C16orf96: variants seen among roughly 807,000 people sequenced by gnomAD.
The protein encoded by C16orf96 is uncharacterized protein C16orf96.
Under a neutral mutation model 103.6 loss-of-function variants are expected in C16orf96, and 108 were observed. The ratio of observed to expected loss-of-function variants is 1.04; its 90% confidence interval spans 0.89 to 1.22. The LOEUF (loss-of-function observed/expected upper bound fraction) is 1.22. Among genes scored for constraint, C16orf96 ranks in the 50% most tolerant of loss-of-function variants. The probability of loss-of-function intolerance (pLI) is 0.00; values close to 1 mark genes in which losing one functional copy is unlikely to be tolerated. For missense variants in C16orf96, 1,586 were observed against 1,464.2 expected (o/e 1.08, Z -1.36); for synonymous variants, 566 against 593.5 (o/e 0.95, Z 0.67).
In C16orf96 at chr16:4,591,887, A is replaced by C. The variant is rs1897067256; in HGVS notation, c.2711+103A>C. The C allele has an allele frequency of 5.4e-6, 5 of 925,862 alleles. No individual in the cohort carries two copies. The Admixed American group carries it at 1.0e-4, about 19-fold the overall frequency. The allele number at this position is 925,862 out of a possible 1,614,324, so 57.4% of individuals were successfully genotyped here. ...AGGAAAGATTCCAGACCTTTGGATG[A>C]GGGGATGGGGGCTTGGCTGTGGCTG... On this transcript the variant is annotated intron_variant, in intron 10 of 15. Transcript: ENST00000444310.
chr16:4,583,391 A>G (rs1043885353), intron 7 of C16orf96, among the ~76,000 whole-genome samples: 1 of 152,166 alleles, frequency 6.6e-6, no homozygotes, highest in African/African-American at 2.4e-5. Context: ...CTATAGTCCC[A>G]GCTACCAGGG....
At chr16:4,582,960 G>T (rs1219149224) in intron 7 of C16orf96, among the ~76,000 whole-genome samples, 1 of 152,302 alleles carries the variant, frequency 6.6e-6, no homozygotes, top group African/African-American at 2.4e-5. Context: ...TGCTGGCCAG[G>T]CTCGGTGGCT....
At chr16:4,594,133 C>T (rs560773505) in intron 12 of C16orf96, among the ~76,000 whole-genome samples, 3 of 152,342 alleles carry the variant, frequency 2.0e-5, no homozygotes, top group African/African-American at 7.2e-5. Flanking sequence ...AGGGAAATGG[C>T]TGGGTCTGGG....
At chr16:4,599,760 G>A (rs1364673741) in intron 15 of C16orf96, among the ~76,000 whole-genome samples, 2 of 152,356 alleles carry the variant, frequency 1.3e-5, no homozygotes, top group East Asian at 3.9e-4. Flanking sequence ...TTTCACAGAG[G>A]AGGGAGCAGA....
chr16:4,584,255 A>G (rs1490517870), intron 7 of C16orf96, among the ~76,000 whole-genome samples: 4 of 142,164 alleles, frequency 2.8e-5, no homozygotes, highest in Non-Finnish European at 6.2e-5. Flanking sequence ...TGGCCTAATC[A>G]TGGCTCAGTG....
In C16orf96 at chr16:4,594,796, G is replaced by T. The variant is rs767815692; in HGVS notation, c.3120G>T (p.Glu1040Asp). The change falls in exon 14 of 16, where the codon GAG (glutamate) becomes GAT (aspartate). Residue 1040 changes from glutamate (E) to aspartate (D), a missense_variant. By Grantham distance (45) the Glu-to-Asp change is conservative (BLOSUM62 2). Transcript: ENST00000444310. ...CTCAGCCCTTGGCCGTCGCAAAGGA[G>T]CTGGCAGGTGAGGGGCGTAGGGCTC... is the stretch of plus-strand genomic sequence containing the variant. ...RGAQPLAVAK[E>D]LAAVKAPSPP... 1 of 1,550,378 alleles carries T rather than the reference G, an allele frequency of 6.5e-7. No homozygotes were observed. Among genetic ancestry groups the T allele is most frequent in the Admixed American group, 2.0e-5 (1 of 51,002 alleles).
chr16:4,548,046 A>G, the C16orf96 span, among the ~76,000 whole-genome samples: 1 of 152,144 alleles, frequency 6.6e-6, no homozygotes, highest in Non-Finnish European at 1.5e-5. Flanking sequence ...GATGGATTGT[A>G]TGTTAGATGA....
chr16:4,581,842 G>C (rs188833975), intron 7 of C16orf96, among the ~76,000 whole-genome samples: 2 of 152,176 alleles, frequency 1.3e-5, no homozygotes, highest in Admixed American at 1.3e-4. Context: ...TGTAGTCCCA[G>C]CTACCTGGGA....
In C16orf96 at chr16:4,576,154, G is replaced by C. The variant is rs2059504687; in HGVS notation, c.1674G>C (p.Gln558His). 1 of 1,551,322 alleles carries C rather than the reference G, an allele frequency of 6.4e-7. No homozygotes were observed. The highest frequency in any genetic ancestry group is 8.7e-7 in the Non-Finnish European group (1 of 1,146,992). ...AGGAAGCACAGCCTAAGGCTCCCCA[G>C]TCTGCCCTTCACCGGCTGAAAACCA... ...APKEAQPKAP[Q>H]SALHRLKTTA... Residue 558 changes from glutamine (Q) to histidine (H), a missense_variant, in exon 5 of 16, where the codon CAG becomes CAC. Physicochemically the swap from Gln to His is conservative, Grantham distance 24. Coordinates refer to ENST00000444310, the MANE Select transcript of C16orf96 (RefSeq NM_001145011.2).
intron 7 of C16orf96, among the ~76,000 whole-genome samples, chr16:4,581,105 CAA>C (rs1244545725): frequency 7.8e-6 from 1 of 128,534 alleles, no homozygotes; most frequent in Non-Finnish European, 1.6e-5. Context: ...GCTTGGGTAA[CAA>C]GAGCAAAACT....
the C16orf96 span, among the ~76,000 whole-genome samples, chr16:4,546,393 C>T: frequency 4.0e-5 from 6 of 150,836 alleles, no homozygotes; most frequent in African/African-American, 9.7e-5. Context: ...CTCCTGACCT[C>T]GTGATCTGCC....
In C16orf96 at chr16:4,580,463, G is replaced by A. The variant is rs978532728; in HGVS notation, c.2352+338G>A. Among the ~76,000 whole-genome samples the A allele has an allele frequency of 3.3e-5, 5 of 152,164 alleles. No individual in the cohort carries two copies. In the South Asian group the frequency reaches 1.0e-3, roughly 32 times the overall value. On this transcript the variant is annotated intron_variant, in intron 7 of 15. Coordinates refer to ENST00000444310, the MANE Select transcript of C16orf96 (RefSeq NM_001145011.2). ...ATTAAGAGAACTTCTTGTGCCAACT[G>A]TTACATTCTTAACATTTCCCTGAGC...
chr16:4,572,306 C>CT (rs3992632), intron 2 of C16orf96, among the ~76,000 whole-genome samples: 2 of 131,674 alleles, frequency 1.5e-5, no homozygotes, highest in African/African-American at 2.9e-5. Flanking sequence ...ACTTATATTT[C>CT]TTTTTTTTTT....
At chr16:4,565,246 T>G (rs932088600) in intron 1 of C16orf96, among the ~76,000 whole-genome samples, 1 of 152,184 alleles carries the variant, frequency 6.6e-6, no homozygotes, top group African/African-American at 2.4e-5. Flanking sequence ...GAAGGGCAAC[T>G]GTCGGGGACG....
chr16:4,569,131 G>A (rs1567442132), intron 1 of C16orf96, among the ~76,000 whole-genome samples: 1 of 151,472 alleles, frequency 6.6e-6, no homozygotes, highest in East Asian at 2.0e-4. Flanking sequence ...TACCACGCCT[G>A]GCTAATTTTT....
chr16:4,592,431 C>T (rs1164602127), intron 11 of C16orf96, 64 bp downstream of exon 11: 17 of 1,508,768 alleles, frequency 1.1e-5, no homozygotes, highest in African/African-American at 2.8e-5. Flanking sequence ...AGGTCATCTC[C>T]GTGCACCTCC....
the C16orf96 span, among the ~76,000 whole-genome samples, chr16:4,548,876 C>CAAAA: frequency 2.3e-5 from 3 of 133,052 alleles, no homozygotes; most frequent in Non-Finnish European, 4.8e-5. Context: ...GTGAGACTCT[C>CAAAA]AAAAAAAAAA....
chr16:4,559,469 T>G (rs1202535601), intron 1 of C16orf96, among the ~76,000 whole-genome samples: 2 of 151,952 alleles, frequency 1.3e-5, no homozygotes, highest in African/African-American at 4.8e-5. Flanking sequence ...GAGAATCGCT[T>G]GAACCCTGGA....
Position 4,556,794 on chromosome 16 carries a change from C to T in C16orf96, c.305C>T (p.Pro102Leu). The change falls in exon 1 of 16, where the codon CCC becomes CTC. Residue 102 changes from proline (P) to leucine (L), a missense_variant. By Grantham distance (98) the Pro-to-Leu change is moderately conservative. Coordinates refer to ENST00000444310, the MANE Select transcript of C16orf96 (RefSeq NM_001145011.2). Reference sequence around the variant, plus strand: ...CAGCTGGCCCTGCTGCAGGACCTGCCCTCCACTGCCCAGCTGCTGGAAGCC... The same window carrying T: ...CAGCTGGCCCTGCTGCAGGACCTGCTCTCCACTGCCCAGCTGCTGGAAGCC... ...ENQLALLQDLPSTAQLLEASQ... is the reference protein window; with the variant it reads ...ENQLALLQDLLSTAQLLEASQ... The T allele has an allele frequency of 6.4e-7, 1 of 1,551,674 alleles. No homozygotes were observed. Among genetic ancestry groups the T allele is most frequent in the Non-Finnish European group, 8.7e-7 (1 of 1,147,002 alleles).
Sources: gnomAD v4.1 joint callset for allele counts (sites outside exome capture counted in the v4.1 genomes callset) on GRCh38, gnomAD v4.1.1 for gene constraint, MANE v1.5 for transcripts, NCBI Gene and HGNC (gene_info 2026-07-23, HGNC 2026-07-21) for gene names.